The following RANBP2 variants were observed in gnomAD, a reference collection of about 807,000 sequenced individuals.
RANBP2 encodes the protein E3 SUMO-protein ligase RanBP2.
Under a neutral mutation model 303.6 loss-of-function variants are expected in RANBP2, and 57 were observed. The ratio of observed to expected loss-of-function variants is 0.19; its 90% confidence interval spans 0.15 to 0.23. The LOEUF (loss-of-function observed/expected upper bound fraction) is 0.23. Ranked by LOEUF, RANBP2 falls within the 10% of genes least tolerant of loss-of-function variation. The pLI is 1.00. For synonymous variants in RANBP2, 1,167 were observed against 1,301.5 expected (o/e 0.90, Z 2.23); for missense variants, 3,138 against 3,780.8 (o/e 0.83, Z 4.46).
rs183068446 is a variant in RANBP2, at chr2:108,771,378, A to C, written c.7850-323A>C. Among the ~76,000 whole-genome samples the C allele has an allele frequency of 4.2e-3, 641 of 152,238 alleles. 4 individuals are homozygous for C. The highest frequency in any genetic ancestry group is 0.034 in the South Asian group (165 of 4,830). ...ATTGTATGCTAAGTATAGTTAGGCA[A>C]CACTTTAAAATTTTTAACCTTTATA... On this transcript the variant is annotated intron_variant, in intron 20 of 28. Coordinates refer to ENST00000283195, the MANE Select transcript of RANBP2 (RefSeq NM_006267.5).
At chr2:109,161,486 G>C in the RANBP2 span, among the ~76,000 whole-genome samples, 3 of 151,220 alleles carry the variant, frequency 2.0e-5, no homozygotes, top group African/African-American at 7.4e-5. Context: ...GTTGGGTGAC[G>C]TGCATTACAT....
chr2:108,930,385 G>A, the RANBP2 span: 1 of 844,150 alleles, frequency 1.2e-6, no homozygotes, highest in Admixed American at 2.0e-5. Flanking sequence ...GTGCCCGCTT[G>A]TGAGTGCTCA....
the RANBP2 span, among the ~76,000 whole-genome samples, chr2:109,106,583 T>G: frequency 3.9e-5 from 6 of 152,104 alleles, no homozygotes; most frequent in African/African-American, 1.4e-4. Context: ...ACACCTGTAA[T>G]CTCAGCACTT....
At chr2:109,519,986 C>T in the RANBP2 span, among the ~76,000 whole-genome samples, 1 of 151,666 alleles carries the variant, frequency 6.6e-6, no homozygotes, top group Non-Finnish European at 1.5e-5. Context: ...TGGTTGCATG[C>T]ATCTACACGT....
At chr2:109,693,772 T>C in the RANBP2 span, among the ~76,000 whole-genome samples, 1 of 152,180 alleles carries the variant, frequency 6.6e-6, no homozygotes, top group Non-Finnish European at 1.5e-5. Context: ...TTAAATATGT[T>C]GATTGATGTC....
chr2:109,308,325 C>T, the RANBP2 span, among the ~76,000 whole-genome samples: 2 of 115,086 alleles, frequency 1.7e-5, no homozygotes, highest in Non-Finnish European at 1.7e-5. Flanking sequence ...GGATATTAGC[C>T]CTTTGTCAGA....
the RANBP2 span, among the ~76,000 whole-genome samples, chr2:108,829,370 A>G: frequency 2.6e-4 from 40 of 152,348 alleles, no homozygotes; most frequent in Admixed American, 5.2e-4. Flanking sequence ...ATGGCCCCTA[A>G]GCTCATAAAA....
At chr2:109,265,295 CA>C in the RANBP2 span, among the ~76,000 whole-genome samples, 3 of 152,176 alleles carry the variant, frequency 2.0e-5, no homozygotes. Flanking sequence ...CTGTGTTCGC[CA>C]ACTGCTGGAG....
At chr2:109,328,333 T>C in the RANBP2 span, among the ~76,000 whole-genome samples, 1 of 152,242 alleles carries the variant, frequency 6.6e-6, no homozygotes, top group Non-Finnish European at 1.5e-5. Flanking sequence ...CTTTTCCACC[T>C]ATTTCCTTCA....
chr2:108,729,383 A>G (rs893837872), intron 2 of RANBP2, among the ~76,000 whole-genome samples, 184 bp downstream of exon 2: 1 of 152,194 alleles, frequency 6.6e-6, no homozygotes, highest in Non-Finnish European at 1.5e-5. Flanking sequence ...AACCGTAATT[A>G]GTGTTTTCTG....
chr2:109,356,530 C>T, the RANBP2 span, among the ~76,000 whole-genome samples: 8 of 152,204 alleles, frequency 5.3e-5, no homozygotes, highest in Non-Finnish European at 1.2e-4. Flanking sequence ...ATACCAGATG[C>T]TGACCTTCTC....
At chr2:108,901,408 A>G in the RANBP2 span, among the ~76,000 whole-genome samples, 1 of 152,232 alleles carries the variant, frequency 6.6e-6, no homozygotes, top group Admixed American at 6.5e-5. Context: ...TCCCATTTCA[A>G]GCACTTAGAA....
At chr2:108,817,739 A>G in the RANBP2 span, among the ~76,000 whole-genome samples, 1 of 152,208 alleles carries the variant, frequency 6.6e-6, no homozygotes, top group African/African-American at 2.4e-5. Context: ...CCAGAAAGGA[A>G]CACAGCTCTG....
At chr2:108,952,076 C>T in the RANBP2 span, among the ~76,000 whole-genome samples, 102 of 152,162 alleles carry the variant, frequency 6.7e-4, no homozygotes, top group Non-Finnish European at 1.2e-3. Flanking sequence ...GTTTGTTTGA[C>T]GGAAGGTCAA....
chr2:109,057,667 G>A, the RANBP2 span, among the ~76,000 whole-genome samples: 5 of 152,352 alleles, frequency 3.3e-5, no homozygotes, highest in African/African-American at 1.2e-4. Context: ...GATTAGCTGT[G>A]TTCTGTTTCT....
At chr2:108,913,218 G>A in the RANBP2 span, among the ~76,000 whole-genome samples, 2 of 151,964 alleles carry the variant, frequency 1.3e-5, no homozygotes, top group Non-Finnish European at 2.9e-5. Flanking sequence ...CAAAGTGCTG[G>A]GATTACAGGC....
At chr2:108,795,105 C>T in the RANBP2 span, among the ~76,000 whole-genome samples, 1 of 145,926 alleles carries the variant, frequency 6.9e-6, no homozygotes, top group African/African-American at 2.5e-5. Flanking sequence ...GAACTCTTAA[C>T]ATTTGCTTAT....
chr2:109,533,445 CA>C, the RANBP2 span, among the ~76,000 whole-genome samples: 1 of 152,182 alleles, frequency 6.6e-6, no homozygotes, highest in Admixed American at 6.5e-5. Context: ...GTCAAGAACA[CA>C]AGAACATCTA....
chr2:109,410,426 T>C, the RANBP2 span, among the ~76,000 whole-genome samples: 2 of 152,158 alleles, frequency 1.3e-5, no homozygotes, highest in Non-Finnish European at 2.9e-5. Context: ...CCCCTGCAGC[T>C]CCGTGCACCC....
Sources: gnomAD v4.1 joint callset for allele counts (sites outside exome capture counted in the v4.1 genomes callset) on GRCh38, gnomAD v4.1.1 for gene constraint, MANE v1.5 for transcripts, NCBI Gene and HGNC (gene_info 2026-07-23, HGNC 2026-07-21) for gene names.